The following GPATCH2 variants were observed in gnomAD, a reference collection of about 807,000 sequenced individuals.
GPATCH2 encodes the protein G patch domain-containing protein 2.
A neutral mutation model predicts 58.0 loss-of-function variants in GPATCH2; 51 were observed. The ratio of observed to expected loss-of-function variants is 0.88; its 90% CI spans 0.70 to 1.11. GPATCH2 has a LOEUF of 1.11. GPATCH2 is among the 50% of genes most tolerant of loss of function. GPATCH2 has a pLI of 0.00. For missense variants in GPATCH2, 625 were observed against 652.2 expected (o/e 0.96, Z 0.45); for synonymous variants, 222 against 218.5 (o/e 1.02, Z -0.14).
chr1:217,431,771 C>A (rs1658545956), intron 9 of GPATCH2, among the ~76,000 whole-genome samples: 1 of 152,138 alleles, frequency 6.6e-6, no homozygotes, highest in Non-Finnish European at 1.5e-5. Flanking sequence ...ATGGATTATT[C>A]AGAAAATCAC....
At chr1:217,594,992 T>C (rs1262214467) in intron 5 of GPATCH2, among the ~76,000 whole-genome samples, 1 of 152,116 alleles carries the variant, frequency 6.6e-6, no homozygotes, top group Non-Finnish European at 1.5e-5. Context: ...GTAACAAACA[T>C]ATGATTACAG....
chr1:217,520,795 A>G (rs1337100159), intron 5 of GPATCH2, among the ~76,000 whole-genome samples: 3 of 152,216 alleles, frequency 2.0e-5, no homozygotes, highest in Non-Finnish European at 2.9e-5. Context: ...TTCTATTGTC[A>G]TTAATAATAA....
intron 5 of GPATCH2, among the ~76,000 whole-genome samples, chr1:217,546,065 A>G (rs1292468132): frequency 6.6e-6 from 1 of 152,174 alleles, no homozygotes; most frequent in Non-Finnish European, 1.5e-5. Context: ...TTTTTAATAA[A>G]ATACCTAGGA....
At chr1:217,586,799 C>T (rs539796344) in intron 5 of GPATCH2, among the ~76,000 whole-genome samples, 1 of 152,230 alleles carries the variant, frequency 6.6e-6, no homozygotes, top group South Asian at 2.1e-4. Flanking sequence ...GGTTACAATG[C>T]CACGAGGTGA....
At chr1:217,558,766 A>G (rs115761764) in intron 5 of GPATCH2, among the ~76,000 whole-genome samples, 1,845 of 152,274 alleles carry the variant, frequency 0.012, 40 homozygotes, top group African/African-American at 0.042. Context: ...TGGGCAACAG[A>G]GTGAGACCTG....
chr1:217,578,895 A>G (rs1666929833), intron 5 of GPATCH2, among the ~76,000 whole-genome samples: 1 of 152,216 alleles, frequency 6.6e-6, no homozygotes, highest in Non-Finnish European at 1.5e-5. Flanking sequence ...CTAGTGTGTG[A>G]ACATAGAATG....
intron 5 of GPATCH2, among the ~76,000 whole-genome samples, chr1:217,606,693 A>T (rs1021827765): frequency 3.9e-5 from 6 of 152,060 alleles, no homozygotes; most frequent in African/African-American, 1.4e-4. Context: ...GTGAGCCTTG[A>T]TTGTGCCACT....
At chr1:217,611,608 G>A (rs1380971445) in intron 3 of GPATCH2, among the ~76,000 whole-genome samples, 5 of 152,020 alleles carry the variant, frequency 3.3e-5, no homozygotes, top group Non-Finnish European at 1.5e-5. Context: ...TTAAAACTGT[G>A]GAACCCTTTC....
chr1:217,620,080 C>G lies in GPATCH2; in HGVS notation c.476G>C (p.Arg159Pro). ...CATGCGTTTTACCTTTCTCCTCCTG[C>G]GCAGAGTTCTATTCCCAACATTGTC... ...AVDNVGNRTL[R>P]RRRKVKRMAV... Residue 159 changes from arginine (R) to proline (P), a missense_variant, in exon 2 of 10, where the codon CGC (arginine) becomes CCC (proline). By Grantham distance (103) the Arg-to-Pro change is moderately radical. Coordinates refer to ENST00000366935, the MANE Select transcript of GPATCH2 (RefSeq NM_018040.5). The G allele has an allele frequency of 6.2e-7, 1 of 1,613,984 alleles. No homozygotes were observed. The highest frequency in any genetic ancestry group is 8.5e-7 in the Non-Finnish European group (1 of 1,180,002).
intron 1 of GPATCH2, among the ~76,000 whole-genome samples, chr1:217,623,489 G>A (rs545170746): frequency 6.1e-4 from 92 of 151,742 alleles, no homozygotes; most frequent in African/African-American, 2.0e-3. Flanking sequence ...AAATTTCTTA[G>A]TAATAGAAAT....
chr1:217,574,623 A>C (rs10863324), intron 5 of GPATCH2, among the ~76,000 whole-genome samples: 65,963 of 151,998 alleles, frequency 0.43, 15,535 homozygotes, highest in East Asian at 0.75. Flanking sequence ...CTGTGATGGA[A>C]CTGTCATGTT....
chr1:217,611,461 A>G (rs1352991987), intron 3 of GPATCH2, among the ~76,000 whole-genome samples: 1 of 152,190 alleles, frequency 6.6e-6, no homozygotes, highest in African/African-American at 2.4e-5. Context: ...ATGTTTTAGA[A>G]CCAATTTTAA....
chr1:217,613,029 CT>C (rs1374884371), intron 3 of GPATCH2, among the ~76,000 whole-genome samples: 1 of 151,668 alleles, frequency 6.6e-6, no homozygotes, highest in Non-Finnish European at 1.5e-5. Flanking sequence ...TTTTTTTTTA[CT>C]TTTTTTCATT....
chr1:217,568,479 AAAAAAAGC>A (rs1666374176), intron 5 of GPATCH2, among the ~76,000 whole-genome samples: 1 of 152,184 alleles, frequency 6.6e-6, no homozygotes, highest in African/African-American at 2.4e-5. Flanking sequence ...ACTATGGGGG[AAAAAAAGC>A]AAAAAAGTGA....
chr1:217,482,698 A>AC (rs1293791710), intron 8 of GPATCH2, among the ~76,000 whole-genome samples: 1 of 152,206 alleles, frequency 6.6e-6, no homozygotes, highest in Non-Finnish European at 1.5e-5. Flanking sequence ...TAAAGATTTT[A>AC]TTTAAAAAAA....
At chr1:217,487,982 C>T (rs1661533908) in intron 8 of GPATCH2, among the ~76,000 whole-genome samples, 1 of 152,152 alleles carries the variant, frequency 6.6e-6, no homozygotes. Flanking sequence ...CCTCGTGATC[C>T]ACCCGCCTTG....
At chr1:217,456,026 C>G (rs1331121927) in intron 8 of GPATCH2, among the ~76,000 whole-genome samples, 3 of 152,034 alleles carry the variant, frequency 2.0e-5, no homozygotes, top group Non-Finnish European at 2.9e-5. Flanking sequence ...CGTCCCCTTC[C>G]CAGCTCCCCA....
intron 7 of GPATCH2, 107 bp downstream of exon 7, chr1:217,498,249 G>A (rs1282869232): frequency 7.0e-6 from 6 of 858,396 alleles, no homozygotes; most frequent in East Asian, 2.4e-5. Context: ...TAAAATGAGC[G>A]GGGATTTGTA....
intron 7 of GPATCH2, among the ~76,000 whole-genome samples, chr1:217,497,953 C>T (rs1158782941): frequency 6.6e-6 from 1 of 152,176 alleles, no homozygotes; most frequent in African/African-American, 2.4e-5. Context: ...GTATAAGAAA[C>T]TCTTCCTACC....
Sources: gnomAD v4.1 joint callset for allele counts (sites outside exome capture counted in the v4.1 genomes callset) on GRCh38, gnomAD v4.1.1 for gene constraint, MANE v1.5 for transcripts, NCBI Gene and HGNC (gene_info 2026-07-23, HGNC 2026-07-21) for gene names.